The following TSHR variants were observed in gnomAD, a reference collection of about 807,000 sequenced individuals.
TSHR encodes thyrotropin receptor.
A neutral mutation model predicts 64.1 loss-of-function variants in TSHR; 51 were observed. That is an observed-to-expected ratio of 0.80 (90% CI 0.64 to 1.01). The LOEUF (loss-of-function observed/expected upper bound fraction) is 1.01, where lower values mean the gene tolerates loss of function less well. TSHR is among the 50% of genes least tolerant of loss of function. The pLI, the probability that TSHR is intolerant of heterozygous loss-of-function variation, is 0.00. For synonymous variants in TSHR, 361 were observed against 361.9 expected (o/e 1.00, Z 0.03); for missense variants, 877 against 942.8 (o/e 0.93, Z 0.91).
chr14:81,045,834 C>T (rs1297326900), intron 1 of TSHR, among the ~76,000 whole-genome samples: 1 of 152,130 alleles, frequency 6.6e-6, no homozygotes, highest in African/African-American at 2.4e-5. Flanking sequence ...AAAACAACTA[C>T]CAATTTAACA....
intron 3 of TSHR, among the ~76,000 whole-genome samples, chr14:81,085,022 C>T (rs949497825): frequency 7.2e-5 from 11 of 152,334 alleles, no homozygotes; most frequent in African/African-American, 1.7e-4. Flanking sequence ...AGTGCAGTGG[C>T]ACAATCTCAG....
At chr14:80,993,065 G>A (rs1451570099) in intron 1 of TSHR, 2 of 152,160 alleles carry the variant, frequency 1.3e-5, no homozygotes, top group Admixed American at 1.3e-4. Context: ...GCTCAAGTAG[G>A]GCTCTGGGGA....
intron 1 of TSHR, among the ~76,000 whole-genome samples, chr14:80,976,603 A>G (rs1304952138): frequency 6.6e-6 from 1 of 152,170 alleles, no homozygotes; most frequent in African/African-American, 2.4e-5. Flanking sequence ...GTCCAACTGG[A>G]TCATCTGAGT....
chr14:81,019,583 A>G (rs955977522), intron 1 of TSHR, among the ~76,000 whole-genome samples: 16 of 149,200 alleles, frequency 1.1e-4, no homozygotes, highest in Non-Finnish European at 1.5e-5. Flanking sequence ...TACATTAGGT[A>G]TTTCTCCTAA....
chr14:81,043,573 T>C (rs1158849258), intron 1 of TSHR, among the ~76,000 whole-genome samples: 1 of 152,110 alleles, frequency 6.6e-6, no homozygotes, highest in Non-Finnish European at 1.5e-5. Context: ...TACACAGAAT[T>C]AGAAAAAACT....
At chr14:81,010,893 G>A (rs1254896460) in intron 1 of TSHR, among the ~76,000 whole-genome samples, 2 of 149,340 alleles carry the variant, frequency 1.3e-5, no homozygotes, top group Non-Finnish European at 3.0e-5. Flanking sequence ...CTGAAGTTGG[G>A]TAAATCTGAT....
rs983332504 is a variant in TSHR at position 81,037,446 on chromosome 14, A to C, written c.171-24702A>C. Among the ~76,000 whole-genome samples, 2 of 150,180 alleles carry C rather than the reference A, an allele frequency of 1.3e-5. 1 individual carries two copies. The highest frequency in any genetic ancestry group is 1.3e-4 in the Admixed American group (2 of 15,170). ...AAACAAACAAACAAACAAACAAACA[A>C]AAAACAGAAAATGATCTAACAAAAT... On this transcript the variant is annotated intron_variant, in intron 1 of 9. Transcript: ENST00000298171.
chr14:81,002,082 A>T (rs1327246121), intron 1 of TSHR, among the ~76,000 whole-genome samples: 1 of 152,086 alleles, frequency 6.6e-6, no homozygotes, highest in Non-Finnish European at 1.5e-5. Flanking sequence ...TATCATCTTT[A>T]TTTACTCACA....
At chr14:81,091,007 C>T (rs1206729290) in intron 4 of TSHR, 62 bp from the exon 5 acceptor site, 17 of 1,384,230 alleles carry the variant, frequency 1.2e-5, no homozygotes, top group Non-Finnish European at 1.6e-5. Flanking sequence ...ATTCTCCTTC[C>T]TATGTGTTGA....
At chr14:80,991,809 G>A (rs1006343608) in intron 1 of TSHR, 14 of 377,682 alleles carry the variant, frequency 3.7e-5, no homozygotes, top group Non-Finnish European at 4.7e-5. Flanking sequence ...AATTCACACC[G>A]ACAAGCCTGG....
intron 4 of TSHR, among the ~76,000 whole-genome samples, chr14:81,088,496 A>G (rs1010576724): frequency 6.6e-6 from 1 of 152,172 alleles, no homozygotes; most frequent in Non-Finnish European, 1.5e-5. Context: ...AATGTCCAGC[A>G]CTCACTGCTT....
intron 7 of TSHR, among the ~76,000 whole-genome samples, chr14:81,102,127 G>A (rs1272427134): frequency 1.3e-5 from 2 of 149,378 alleles, no homozygotes; most frequent in African/African-American, 2.5e-5. Flanking sequence ...AGCCGAGATC[G>A]CACCACTGCA....
In TSHR at chr14:81,046,446, A is replaced by T. The variant is rs185461943; in HGVS notation, c.171-15702A>T. 2.1e-3 allele frequency among the ~76,000 whole-genome samples: 324 copies of T among 152,170 alleles called. 1 individual carries two copies. Among genetic ancestry groups the T allele is most frequent in the Non-Finnish European group, 3.7e-3 (253 of 68,002 alleles). ...GTGAATACTACAGAAGAGGAAAAAAATAGAACTTAAAGACTTAACAATAGA... is the reference window on the plus strand; with the variant it reads ...GTGAATACTACAGAAGAGGAAAAAATTAGAACTTAAAGACTTAACAATAGA... On this transcript the variant is annotated intron_variant, in intron 1 of 9. Transcript: ENST00000298171.
chr14:81,074,603 G>GTTTAGGAAAGAGAGC (rs1887357621), intron 3 of TSHR, among the ~76,000 whole-genome samples: 1 of 152,164 alleles, frequency 6.6e-6, no homozygotes, highest in Non-Finnish European at 1.5e-5. Context: ...CCTCTGATTT[G>GTTTAGGAAAGAGAGC]TTTAGGAAAG....
At position 81,103,474 on chromosome 14, in the gene TSHR, T is replaced by C. The variant is rs977624804; in HGVS notation, c.615-4901T>C. ...AGATCGACCTCATTTACACTCATTT[T>C]TTAAAATGTAACTGAATAATACAAT... On this transcript the variant is annotated intron_variant, in intron 7 of 9. Transcript: ENST00000298171. This position sits in a 1 kb window ranked among gnomAD's most constrained non-coding sequence, Gnocchi z 4.1. The C allele has an allele frequency of 1.0e-6, 1 of 985,360 alleles. No homozygotes were observed. The highest frequency in any genetic ancestry group is 1.7e-5 in the African/African-American group (1 of 57,250). The allele number at this position is 985,360 out of a possible 1,614,324, so 61.0% of individuals were successfully genotyped here.
chr14:81,082,388 C>T (rs1299833158), intron 3 of TSHR, among the ~76,000 whole-genome samples: 3 of 152,206 alleles, frequency 2.0e-5, no homozygotes, highest in Non-Finnish European at 4.4e-5. Context: ...TGAGTTTGTC[C>T]TGCCTCTGTA....
At chr14:81,045,265 C>T (rs1018466670) in intron 1 of TSHR, among the ~76,000 whole-genome samples, 1 of 152,188 alleles carries the variant, frequency 6.6e-6, no homozygotes, top group African/African-American at 2.4e-5. Flanking sequence ...TTGTACAATG[C>T]ATTAGGGAGA....
chr14:80,998,000 A>C (rs1229141773), intron 1 of TSHR, among the ~76,000 whole-genome samples: 1 of 152,242 alleles, frequency 6.6e-6, no homozygotes, highest in Non-Finnish European at 1.5e-5. Context: ...ACTTGGAAGC[A>C]TTCTCATTGT....
rs71103896 is a variant in TSHR, at chr14:81,067,483, T to TTATATATATATATATATATATATA, written c.243-749_243-748insTATATATATATATATATATATATA. ...TAATTAGTGAAAGGAGTTTATAGTTTTATATATATATATATATATATAGTG... is the reference window on the plus strand; with the variant it reads ...TAATTAGTGAAAGGAGTTTATAGTTTTATATATATATATATATATATATATATATATATATATATATATATAGTG... On this transcript the variant is annotated intron_variant, in intron 2 of 9. Coordinates refer to ENST00000298171, the MANE Select transcript of TSHR (RefSeq NM_000369.5). Among the ~76,000 whole-genome samples, 194 of 134,892 alleles carry TTATATATATATATATATATATATA rather than the reference T, an allele frequency of 1.4e-3. 1 individual carries two copies. The highest frequency in any genetic ancestry group is 4.8e-3 in the South Asian group (20 of 4,186). 88.5% of individuals were successfully genotyped at this position (134,892 alleles called of 152,430 possible). A position where few individuals can be genotyped will look rare whatever the true frequency, so the allele number is the denominator to read the frequency against.
Sources: allele counts gnomAD v4.1 joint callset (sites outside exome capture counted in the v4.1 genomes callset), GRCh38; gene constraint gnomAD v4.1.1; non-coding constraint Gnocchi (gnomAD v3.1); transcripts MANE v1.5; gene names NCBI Gene and HGNC (gene_info 2026-07-23, HGNC 2026-07-21).